The following IRF7 variants were observed in gnomAD, a reference collection of about 807,000 sequenced individuals.
IRF7 encodes the protein interferon regulatory factor 7, also known as interferon regulatory factor-7H.
A neutral mutation model predicts 51.3 loss-of-function variants in IRF7; 67 were observed. That is an observed-to-expected ratio of 1.31 (90% CI 1.07 to 1.60). The LOEUF is 1.60. IRF7 is among the 40% of genes most tolerant of loss of function. The probability of loss-of-function intolerance (pLI) is 0.00; values close to 1 mark genes in which losing one functional copy is unlikely to be tolerated. For missense variants in IRF7, 873 were observed against 701.5 expected (o/e 1.24, Z -2.76); for synonymous variants, 427 against 301.3 (o/e 1.42, Z -4.32).
chr11:613,491 C>G lies in IRF7; in HGVS notation c.952G>C (p.Asp318His). The change falls in exon 9 of 11, where the codon GAC becomes CAC. Residue 318 changes from aspartate (D) to histidine (H), a missense_variant. Coordinates refer to ENST00000525445, the MANE Select transcript of IRF7 (RefSeq NM_001572.5). ...GGGTCTGTGGCCCGGACAGCTGGGT[C>G]TGGGGGGCCGTATAGGAACGTGCAG... ...PSCTFLYGPP[D>H]PAVRATDPQQ... is the part of the protein sequence containing the mutation. 6.5e-7 allele frequency: 1 copy of G among 1,543,650 alleles called. No individual in the cohort carries two copies. The highest frequency in any genetic ancestry group is 8.7e-7 in the Non-Finnish European group (1 of 1,146,954).
chr11:615,635 C>G lies in IRF7; in HGVS notation c.-271G>C. ...CCAGTGTCCAGGCCTGGCGGGAAGGCGCAGGCCGGACCCTGCGGAGACGGG... is the reference window on the plus strand; with the variant it reads ...CCAGTGTCCAGGCCTGGCGGGAAGGGGCAGGCCGGACCCTGCGGAGACGGG... On this transcript the variant is annotated 5_prime_UTR_variant, in exon 2 of 11. Transcript: ENST00000525445. 4.8e-6 allele frequency: 2 copies of G among 412,392 alleles called. No individual in the cohort carries two copies. The highest frequency in any genetic ancestry group is 8.5e-6 in the Non-Finnish European group (2 of 234,068). 25.5% of individuals were successfully genotyped at this position (412,392 alleles called of 1,614,324 possible). A position where few individuals can be genotyped will look rare whatever the true frequency, so the allele number is the denominator to read the frequency against.
Position 614,784 on chromosome 11 carries a change from C to T in IRF7, c.394+13G>A. 6.5e-7 allele frequency: 1 copy of T among 1,528,212 alleles called. No individual in the cohort carries two copies. Among genetic ancestry groups the T allele is most frequent in the South Asian group, 1.2e-5 (1 of 82,290 alleles). The allele number at this position is 1,528,212 out of a possible 1,614,324, so 94.7% of individuals were successfully genotyped here. A position where few individuals can be genotyped will look rare whatever the true frequency, so the allele number is the denominator to read the frequency against. On this transcript the variant is annotated intron_variant, in intron 4 of 10. Coordinates refer to ENST00000525445, the MANE Select transcript of IRF7 (RefSeq NM_001572.5). Reference sequence around the variant, plus strand: ...GACGAATGCCAACGCCCTTGGCAGCCGGCGTCGCTCACCTCGCCAGCACAG... The same window carrying T: ...GACGAATGCCAACGCCCTTGGCAGCTGGCGTCGCTCACCTCGCCAGCACAG...
In IRF7 at chr11:614,800, G is replaced by C. The variant is rs998004531; in HGVS notation, c.391C>G (p.Arg131Gly). 6.5e-7 allele frequency: 1 copy of C among 1,544,382 alleles called. No individual in the cohort carries two copies. Among genetic ancestry groups the C allele is most frequent in the Non-Finnish European group, 8.7e-7 (1 of 1,145,734 alleles). Residue 131 changes from arginine to glycine, a missense_variant, in exon 4 of 11, where the codon CGA (arginine) becomes GGA (glycine). Physicochemically the swap from Arg to Gly is moderately radical, Grantham distance 125 (BLOSUM62 -2). Transcript: ENST00000525445. ...VYALSRELCW[R>G]EGPGTDQTEA... Reference sequence around the variant, plus strand: ...CTTGGCAGCCGGCGTCGCTCACCTCGCCAGCACAGCTCCCGGCTGAGCGCG... The same window carrying C: ...CTTGGCAGCCGGCGTCGCTCACCTCCCCAGCACAGCTCCCGGCTGAGCGCG...
rs545358325 is a variant in IRF7, at chr11:614,522, G to A, written c.407C>T (p.Thr136Met). Residue 136 changes from threonine to methionine, a missense_variant, in exon 5 of 11, where the codon ACG becomes ATG. Transcript: ENST00000525445. ...RELCWREGPG[T>M]DQTEAEAPAA... ...GGGGGCCTCTGCCTCAGTCTGGTCC[G>A]TGCCTGGGCCTTCTGAGAGAGAATG... 5 of 1,554,834 alleles carry A rather than the reference G, an allele frequency of 3.2e-6. No individual in the cohort carries two copies. The highest frequency in any genetic ancestry group is 4.4e-6 in the Non-Finnish European group (5 of 1,148,942).
Position 614,461 on chromosome 11 carries a change from CAGAG to C in IRF7, c.453+11_453+14del, listed in dbSNP as rs750372100. 4.6e-5 allele frequency: 73 copies of C among 1,570,368 alleles called. No homozygotes were observed. Among genetic ancestry groups the C allele is most frequent in the Non-Finnish European group, 5.7e-5 (66 of 1,157,540 alleles). On this transcript the variant is annotated intron_variant, in intron 5 of 10. Coordinates refer to ENST00000525445, the MANE Select transcript of IRF7 (RefSeq NM_001572.5). ...GCGGCCTGGCAGGAGGAGAGGCAGG[CAGAG>C]AGAAGGGTACCTGTGGTGGTGGGAC... is the stretch of plus-strand genomic sequence containing the variant.
chr11:612,791 A>G lies in IRF7; in HGVS notation c.1366T>C (p.Trp456Arg), dbSNP rs746725871. The G allele has an allele frequency of 3.7e-6, 6 of 1,609,922 alleles. No homozygotes were observed. The Admixed American group carries it at 1.0e-4, about 27-fold the overall frequency. The stretch of plus-strand genomic sequence containing the variant: ...CCCTCTAGGTGCACTCGGCACAGCC[A>G]GGGTTCCAGCTGCCAGGAGGGATCG... The part of the protein sequence containing the change: ...KSLVLVKLEP[W>R]LCRVHLEGTQ... The change falls in exon 11 of 11, where the codon TGG becomes CGG. Residue 456 changes from tryptophan to arginine, a missense_variant. Coordinates refer to ENST00000525445, the MANE Select transcript of IRF7 (RefSeq NM_001572.5).
At chr11:612,839 T>TGTGTCCTCCCCTCCCC in intron 10 of IRF7, 39 bp from the exon 11 acceptor site, 4 of 1,597,930 alleles carry the variant, frequency 2.5e-6, no homozygotes, top group Non-Finnish European at 3.4e-6. Context: ...TGACCCGGCG[T>TGTGTCCTCCCCTCCCC]GTGTCCTCCC....
chr11:613,498 G>A lies in IRF7; in HGVS notation c.945C>T (p.Gly315=). ...VGHPSCTFLY[G]PPDPAVRATD... is the part of the protein sequence containing the mutation. ...TGGCCCGGACAGCTGGGTCTGGGGG[G>A]CCGTATAGGAACGTGCAGCTCGGGT... Residue 315 remains glycine, a synonymous_variant, in exon 9 of 11, where the codon GGC becomes GGT. Transcript: ENST00000525445. The A allele has an allele frequency of 6.5e-7, 1 of 1,544,408 alleles. No individual in the cohort carries two copies. Among genetic ancestry groups the A allele is most frequent in the Non-Finnish European group, 8.7e-7 (1 of 1,147,416 alleles).
Position 613,074 on chromosome 11 carries a change from G to C in IRF7, c.1281C>G (p.Arg427=). 1 of 1,613,094 alleles carries C rather than the reference G, an allele frequency of 6.2e-7. No homozygotes were observed. The highest frequency in any genetic ancestry group is 8.5e-7 in the Non-Finnish European group (1 of 1,180,004). The change falls in exon 10 of 11, where the codon CGC becomes CGG. Residue 427 remains arginine, a synonymous_variant. Transcript: ENST00000525445. Reference sequence around the variant, plus strand: ...GCCCGAAGCCCAGGTAGATGGTATAGCGTGGGGAGCCACGGCGCTGCCGTG... The same window carrying C: ...GCCCGAAGCCCAGGTAGATGGTATACCGTGGGGAGCCACGGCGCTGCCGTG... ...FRARQRRGSP[R]YTIYLGFGQD...
In IRF7 at chr11:615,066, A is replaced by C. The variant is rs757360566; in HGVS notation, c.183+31T>G. Reference sequence around the variant, plus strand: ...CGCGGGGTCCTAGGCGGGCTCTCCCACCCGGGGCGGGGCGGGGCTGGGGTC... The same window carrying C: ...CGCGGGGTCCTAGGCGGGCTCTCCCCCCCGGGGCGGGGCGGGGCTGGGGTC... On this transcript the variant is annotated intron_variant, in intron 3 of 10. Transcript: ENST00000525445. 9.6e-6 allele frequency: 15 copies of C among 1,563,096 alleles called. No homozygotes were observed. In the African/African-American group the frequency reaches 1.8e-4, roughly 18 times the overall value.
rs542296633 is a variant in IRF7 at position 612,562 on chromosome 11, G to T, written c.*83C>A. On this transcript the variant is annotated 3_prime_UTR_variant, in exon 11 of 11. Transcript: ENST00000525445. ...AGCCAAGATGCCAGTACGTGTTCTG[G>T]AGTTCTTTTTATTAGACTGGGCGGC... The T allele has an allele frequency of 2.0e-5, 30 of 1,503,740 alleles. No individual in the cohort carries two copies. Among genetic ancestry groups the T allele is most frequent in the Admixed American group, 3.5e-5 (2 of 57,362 alleles). The allele number at this position is 1,503,740 out of a possible 1,614,324, so 93.1% of individuals were successfully genotyped here.
rs141336170 is a variant in IRF7 at position 615,481 on chromosome 11, G to A, written c.-117C>T. ...CAGGTCGTGTGGCCAGGTGTCACAGGTGTCCACAGGTGTGGACTGAGGGCT... is the reference window on the plus strand; with the variant it reads ...CAGGTCGTGTGGCCAGGTGTCACAGATGTCCACAGGTGTGGACTGAGGGCT... On this transcript the variant is annotated 5_prime_UTR_variant, in exon 2 of 11. Coordinates refer to ENST00000525445, the MANE Select transcript of IRF7 (RefSeq NM_001572.5). 6.6e-5 allele frequency: 79 copies of A among 1,192,424 alleles called. No individual in the cohort carries two copies. The African/African-American group carries it at 1.1e-3, about 16-fold the overall frequency. The allele number at this position is 1,192,424 out of a possible 1,614,324, so 73.9% of individuals were successfully genotyped here.
chr11:615,419 A>T lies in IRF7; in HGVS notation c.-55T>A. 6.8e-7 allele frequency: 1 copy of T among 1,459,966 alleles called. No individual in the cohort carries two copies. The highest frequency in any genetic ancestry group is 1.4e-5 in the South Asian group (1 of 70,584). The allele number at this position is 1,459,966 out of a possible 1,614,324, so 90.4% of individuals were successfully genotyped here. On this transcript the variant is annotated 5_prime_UTR_variant, in exon 2 of 11. Coordinates refer to ENST00000525445, the MANE Select transcript of IRF7 (RefSeq NM_001572.5). ...GGTCAGGTGTTATAACAGGGGAGGT[A>T]AGGGCTCCTGTCGCAGCAGACGCCA... is the stretch of plus-strand genomic sequence containing the variant.
chr11:612,801 C>G lies in IRF7; in HGVS notation c.1357-1G>C, dbSNP rs1328622149. On this transcript the variant is annotated splice_acceptor_variant, in intron 10 of 10. Transcript: ENST00000525445. LOFTEE classifies it high-confidence loss of function. ...GCACTCGGCACAGCCAGGGTTCCAG[C>G]TGCCAGGAGGGATCGGGCGTCTGTC... is the stretch of plus-strand genomic sequence containing the variant. 8.7e-6 allele frequency: 14 copies of G among 1,607,382 alleles called. No individual in the cohort carries two copies. Among genetic ancestry groups the G allele is most frequent in the African/African-American group, 2.7e-5 (2 of 74,848 alleles).
At position 613,114 on chromosome 11, in the gene IRF7, A is replaced by C; in HGVS notation, c.1241T>G (p.Leu414Arg). 3.7e-6 allele frequency: 6 copies of C among 1,612,860 alleles called. No individual in the cohort carries two copies. Among genetic ancestry groups the C allele is most frequent in the Non-Finnish European group, 5.1e-6 (6 of 1,179,868 alleles). The change falls in exon 10 of 11, where the codon CTG becomes CGG. Residue 414 changes from leucine to arginine, a missense_variant. By Grantham distance (102) the Leu-to-Arg change is moderately radical. Coordinates refer to ENST00000525445, the MANE Select transcript of IRF7 (RefSeq NM_001572.5). ...IFDFRVFFQELVEFRARQRRG... is the reference protein window; with the variant it reads ...IFDFRVFFQERVEFRARQRRG... ...GCGCTGCCGTGCCCGGAATTCCACC[A>C]GCTCTGAAGAAGGGGACTCTGCTGA...
At position 615,908 on chromosome 11, in the gene IRF7, A is replaced by G. The variant is rs1856831918; in HGVS notation, c.-284+5T>C. The G allele has an allele frequency of 1.3e-5, 2 of 153,840 alleles. No homozygotes were observed. The allele number at this position is 153,840 out of a possible 1,614,324, so 9.5% of individuals were successfully genotyped here. ...TGCACCGCGTGGGTCTGGGGTCCCCAGTACCTGGGTGCCAGAGCCGCCGGG... is the reference window on the plus strand; with the variant it reads ...TGCACCGCGTGGGTCTGGGGTCCCCGGTACCTGGGTGCCAGAGCCGCCGGG... On this transcript the variant is annotated splice_donor_5th_base_variant and intron_variant, in intron 1 of 10. Coordinates refer to ENST00000525445, the MANE Select transcript of IRF7 (RefSeq NM_001572.5).
At position 614,954 on chromosome 11, in the gene IRF7, C is replaced by T. The variant is rs763713844; in HGVS notation, c.237G>A (p.Pro79=). The T allele has an allele frequency of 2.9e-5, 46 of 1,563,022 alleles. No individual in the cohort carries two copies. Among genetic ancestry groups the T allele is most frequent in the Admixed American group, 5.4e-5 (3 of 55,446 alleles). Residue 79 remains proline, a synonymous_variant, in exon 4 of 11, where the codon CCG becomes CCA. Transcript: ENST00000525445. ...RWPPSSRGGG[P]PPEAETAERA... is the part of the protein sequence containing the mutation. ...GCTCCGCAGTCTCAGCCTCGGGGGGCGGGCCACCTCCCCTGCTGCTAGGCG... is the reference window on the plus strand; with the variant it reads ...GCTCCGCAGTCTCAGCCTCGGGGGGTGGGCCACCTCCCCTGCTGCTAGGCG...
chr11:613,051 C>T lies in IRF7; in HGVS notation c.1304G>A (p.Gly435Glu). The T allele has an allele frequency of 6.2e-7, 1 of 1,613,110 alleles. No homozygotes were observed. Among genetic ancestry groups the T allele is most frequent in the Non-Finnish European group, 8.5e-7 (1 of 1,179,988 alleles). Residue 435 changes from glycine to glutamate, a missense_variant, in exon 10 of 11, where the codon GGG (glycine) becomes GAG (glutamate). Transcript: ENST00000525445. ...SPRYTIYLGF[G>E]QDLSAGRPKE... ...GGGCCTCCCAGCTGACAGGTCCTGC[C>T]CGAAGCCCAGGTAGATGGTATAGCG...
chr11:613,165 G>C lies in IRF7; in HGVS notation c.1237+41C>G, dbSNP rs1051390. The C allele has an allele frequency of 0.27, 432,586 of 1,601,674 alleles. 63,684 individuals carry two copies. The highest frequency in any genetic ancestry group is 0.52 in the African/African-American group (38,754 of 74,576). On this transcript the variant is annotated intron_variant, in intron 9 of 10. Coordinates refer to ENST00000525445, the MANE Select transcript of IRF7 (RefSeq NM_001572.5). ...GTACCTGGCAGGCAGGTGCTCCCAAGGACCCCTGGAGACAGCCCCCCAGGC... is the reference window on the plus strand; with the variant it reads ...GTACCTGGCAGGCAGGTGCTCCCAACGACCCCTGGAGACAGCCCCCCAGGC...
Sources: allele counts gnomAD v4.1 joint callset, GRCh38; gene constraint gnomAD v4.1.1; transcripts MANE v1.5; gene names NCBI Gene and HGNC (gene_info 2026-07-23, HGNC 2026-07-21).